The following DST variants were observed in gnomAD, a reference collection of about 807,000 sequenced individuals.
DST encodes dystonin.
A neutral mutation model predicts 875.2 loss-of-function variants in DST; 253 were observed. The observed-to-expected ratio is 0.29, with a 90% CI of 0.26 to 0.32. The LOEUF is 0.32. DST is among the 10% of genes least tolerant of loss of function. The probability of loss-of-function intolerance (pLI) is 1.00; values close to 1 mark genes in which losing one functional copy is unlikely to be tolerated. For missense variants in DST, 8,287 were observed against 9,111.6 expected (o/e 0.91, Z 3.68); for synonymous variants, 3,124 against 3,197.1 (o/e 0.98, Z 0.77).
Position 56,508,601 on chromosome 6 carries a change from T to C in DST, c.19167A>G (p.Gln6389=), listed in dbSNP as rs1296844819. 12 of 1,613,892 alleles carry C rather than the reference T, an allele frequency of 7.4e-6. No individual in the cohort carries two copies. The highest frequency in any genetic ancestry group is 1.6e-4 in the Middle Eastern group (1 of 6,062). The change falls in exon 75 of 104, where the codon CAA becomes CAG. Residue 6389 remains glutamine (Q), a synonymous_variant. Coordinates refer to ENST00000680361, the MANE Select transcript of DST (RefSeq NM_001374736.1). ...GATCTTCCAGGTCCCGGATGAAATCTTGAGTATCTTTAATGGTAACTATCA... is the reference window on the plus strand; with the variant it reads ...GATCTTCCAGGTCCCGGATGAAATCCTGAGTATCTTTAATGGTAACTATCA... ...MSLIVTIKDT[Q]DFIRDLEDPG...
At chr6:56,655,084 C>A (rs1433374634) in intron 10 of DST, among the ~76,000 whole-genome samples, 1 of 151,062 alleles carries the variant, frequency 6.6e-6, no homozygotes, top group African/African-American at 2.4e-5. Flanking sequence ...TCACTGGAAC[C>A]CAGGAGGCGG....
intron 4 of DST, among the ~76,000 whole-genome samples, chr6:56,830,535 T>C (rs372326697): frequency 6.6e-6 from 1 of 152,224 alleles, no homozygotes; most frequent in African/African-American, 2.4e-5. Flanking sequence ...TCCTCCTTTG[T>C]CACTGAGTAC....
chr6:56,795,832 A>T (rs1341036407), intron 4 of DST, among the ~76,000 whole-genome samples: 1 of 152,246 alleles, frequency 6.6e-6, no homozygotes, highest in African/African-American at 2.4e-5. Context: ...AGCGCTTTCA[A>T]AATTCTAAAG....
intron 92 of DST, among the ~76,000 whole-genome samples, chr6:56,475,401 AC>A (rs2095134499): frequency 1.1e-5 from 1 of 91,524 alleles, no homozygotes; most frequent in Non-Finnish European, 2.7e-5. Context: ...TAAAACACAC[AC>A]ACACACACAC....
At chr6:56,939,213 A>G (rs1430904944) in intron 2 of DST, among the ~76,000 whole-genome samples, 1 of 152,244 alleles carries the variant, frequency 6.6e-6, no homozygotes, top group Non-Finnish European at 1.5e-5. Flanking sequence ...AAGTGAGAAT[A>G]ACAAAGTTTC....
chr6:56,561,586 C>T (rs1487154656), intron 56 of DST, 37 bp from the exon 57 acceptor site: 2 of 1,576,596 alleles, frequency 1.3e-6, no homozygotes, highest in Non-Finnish European at 8.6e-7. Flanking sequence ...GACACATTTT[C>T]AGGACATTTG....
chr6:56,480,324 G>A (rs1317880927), intron 90 of DST, among the ~76,000 whole-genome samples: 2 of 152,188 alleles, frequency 1.3e-5, no homozygotes, highest in Admixed American at 6.5e-5. Flanking sequence ...TCTAACATCT[G>A]TGTTTCCCCT....
chr6:56,535,360 A>G, intron 62 of DST, 68 bp from the exon 63 acceptor site: 5 of 1,455,062 alleles, frequency 3.4e-6, no homozygotes, highest in Non-Finnish European at 4.5e-6. Flanking sequence ...AGCACAAATC[A>G]CTATTTTACA....
Position 56,597,986 on chromosome 6 carries a change from C to T in DST, c.11949G>A (p.Leu3983=), listed in dbSNP as rs375814327. Residue 3983 remains leucine (L), a synonymous_variant, in exon 47 of 104, where the codon CTG becomes CTA. Coordinates refer to ENST00000680361, the MANE Select transcript of DST (RefSeq NM_001374736.1). ...ETEKVAAVKQ[L]EESKTKIENL... Reference sequence around the variant, plus strand: ...TTTCTATTTTGGTTTTGCTCTCTTCCAGCTGCTTCACTGCTGCTACCTGGG... The same window carrying T: ...TTTCTATTTTGGTTTTGCTCTCTTCTAGCTGCTTCACTGCTGCTACCTGGG... 82 of 1,600,024 alleles carry T rather than the reference C, an allele frequency of 5.1e-5. No homozygotes were observed. Among genetic ancestry groups the T allele is most frequent in the Non-Finnish European group, 6.6e-5 (77 of 1,171,692 alleles).
At chr6:56,762,356 T>C (rs575073641) in intron 4 of DST, among the ~76,000 whole-genome samples, 1 of 152,268 alleles carries the variant, frequency 6.6e-6, no homozygotes, top group East Asian at 1.9e-4. Flanking sequence ...AGAAGGGGCT[T>C]TAGAAATCAT....
intron 4 of DST, among the ~76,000 whole-genome samples, chr6:56,811,183 CAAAAAAAAA>C (rs371256050): frequency 1.2e-4 from 4 of 33,328 alleles, no homozygotes; most frequent in Admixed American, 4.6e-4. Flanking sequence ...GACCCTGTCT[CAAAAAAAAA>C]AAAAAAAAAA....
chr6:56,741,836 TATTTC>T (rs1335693066), intron 4 of DST, among the ~76,000 whole-genome samples: 9 of 152,354 alleles, frequency 5.9e-5, no homozygotes, highest in African/African-American at 2.2e-4. Context: ...ATTTGAAAAT[TATTTC>T]ATTTATAGAT....
chr6:56,735,130 T>G (rs1226397409), intron 5 of DST, 98 bp downstream of exon 5: 6 of 818,102 alleles, frequency 7.3e-6, no homozygotes, highest in Non-Finnish European at 1.2e-5. Flanking sequence ...TTCAAGATGA[T>G]TTTCAAAAGT....
At chr6:56,792,658 T>C (rs2099729412) in intron 4 of DST, among the ~76,000 whole-genome samples, 1 of 152,190 alleles carries the variant, frequency 6.6e-6, no homozygotes, top group African/African-American at 2.4e-5. Context: ...CTTCCTGATA[T>C]GCTGCAATAA....
At chr6:56,752,792 T>G (rs1473435348) in intron 4 of DST, among the ~76,000 whole-genome samples, 1 of 151,506 alleles carries the variant, frequency 6.6e-6, no homozygotes, top group African/African-American at 2.4e-5. Context: ...AGTTTTTTTG[T>G]TTTTTTTGTT....
intron 10 of DST, among the ~76,000 whole-genome samples, chr6:56,669,147 T>C (rs2099086755): frequency 6.6e-6 from 1 of 152,116 alleles, no homozygotes; most frequent in Non-Finnish European, 1.5e-5. Flanking sequence ...TTAACTATCC[T>C]ATATAATTAT....
At chr6:56,782,513 AG>A (rs2099696183) in intron 4 of DST, among the ~76,000 whole-genome samples, 1 of 152,078 alleles carries the variant, frequency 6.6e-6, no homozygotes, top group South Asian at 2.1e-4. Flanking sequence ...ATTTGCATAG[AG>A]GTGTTTGTAG....
At chr6:56,638,878 C>CA in intron 22 of DST, 1 of 275,618 alleles carries the variant, frequency 3.6e-6, no homozygotes, top group South Asian at 4.4e-5. Flanking sequence ...TTATTCTCAT[C>CA]ACAACTCTAT....
Position 56,719,861 on chromosome 6 carries a change from G to C in DST, c.687+15367C>G, listed in dbSNP as rs114413622. Among the ~76,000 whole-genome samples the C allele has an allele frequency of 9.5e-3, 1,448 of 152,310 alleles. 24 individuals carry two copies. The highest frequency in any genetic ancestry group is 0.033 in the African/African-American group (1,372 of 41,550). On this transcript the variant is annotated intron_variant, in intron 5 of 103. Coordinates refer to ENST00000680361, the MANE Select transcript of DST (RefSeq NM_001374736.1). Reference sequence around the variant, plus strand: ...AAGGGGAAGGAGTGTACGATAGGGTGTGGGTCCCAAAGATCACGTACTTCA... The same window carrying C: ...AAGGGGAAGGAGTGTACGATAGGGTCTGGGTCCCAAAGATCACGTACTTCA...
Sources: gnomAD v4.1 joint callset for allele counts (sites outside exome capture counted in the v4.1 genomes callset) on GRCh38, gnomAD v4.1.1 for gene constraint, MANE v1.5 for transcripts, NCBI Gene and HGNC (gene_info 2026-07-23, HGNC 2026-07-21) for gene names.